The following KLHL25 variants were observed in gnomAD, a reference collection of about 807,000 sequenced individuals.
KLHL25 encodes kelch like family member 25.
A neutral mutation model predicts 30.0 loss-of-function variants in KLHL25; 41 were observed. The observed-to-expected ratio is 1.37, with a 90% CI of 1.07 to 1.78. The LOEUF is 1.78. Among genes scored for constraint, KLHL25 ranks in the 40% most tolerant of loss-of-function variants. KLHL25 has a pLI of 0.00. For missense variants in KLHL25, 971 were observed against 824.5 expected, an observed-to-expected ratio of 1.18 and a Z score of -2.18; for synonymous variants, 399 against 355.3, an observed-to-expected ratio of 1.12 and a Z score of -1.38.
At chr15:85,777,636 C>T (rs1245745230) in intron 1 of KLHL25, among the ~76,000 whole-genome samples, 1 of 152,210 alleles carries the variant, frequency 6.6e-6, no homozygotes, top group Non-Finnish European at 1.5e-5. Context: ...ACCGCAGAGT[C>T]CCAGGGTGAC....
chr15:85,777,412 C>T (rs527249030), intron 1 of KLHL25, among the ~76,000 whole-genome samples: 3 of 152,316 alleles, frequency 2.0e-5, no homozygotes, highest in Non-Finnish European at 2.9e-5. Context: ...GACACAGACA[C>T]AGTGTCCCTT....
At position 85,768,783 on chromosome 15, in the gene KLHL25, T is replaced by G. The variant is rs757899706; in HGVS notation, c.1028A>C (p.Tyr343Ser). Residue 343 changes from tyrosine to serine, a missense_variant, in exon 2 of 3, where the codon TAT becomes TCT. Coordinates refer to ENST00000337975, the MANE Select transcript of KLHL25 (RefSeq NM_022480.4). ...FSASAIGCKV[Y>S]VTGGRGSENG... Reference sequence around the variant, plus strand: ...CTCGGAGCCCCTGCCCCCCGTCACATAGACCTTGCAGCCGATCGCTGAGGC... The same window carrying G: ...CTCGGAGCCCCTGCCCCCCGTCACAGAGACCTTGCAGCCGATCGCTGAGGC... 1.9e-6 allele frequency: 3 copies of G among 1,613,074 alleles called. No homozygotes were observed. In the Admixed American group the frequency reaches 5.0e-5, roughly 27 times the overall value.
chr15:85,781,536 A>G (rs2089743163), intron 1 of KLHL25, among the ~76,000 whole-genome samples: 1 of 152,120 alleles, frequency 6.6e-6, no homozygotes, highest in South Asian at 2.1e-4. Context: ...GCTGGAGTGC[A>G]GCAATGGTGT....
chr15:85,794,271 G>A (rs898609616), intron 1 of KLHL25, among the ~76,000 whole-genome samples: 1 of 152,334 alleles, frequency 6.6e-6, no homozygotes, highest in Non-Finnish European at 1.5e-5. Flanking sequence ...GGGGCTCCGC[G>A]GCCAGGCCCG....
rs549366555 is a variant in KLHL25, at chr15:85,766,610, A to ACTGCAGGGT, written c.*24+1398_*24+1406dup. Among the ~76,000 whole-genome samples, 10 of 151,366 alleles carry ACTGCAGGGT rather than the reference A, an allele frequency of 6.6e-5. No homozygotes were observed. In the East Asian group the frequency reaches 1.9e-3, roughly 29 times the overall value. Reference sequence around the variant, plus strand: ...CTCCTCCCGCCCGTTCCTTCCCTTCACTGCAGGGTCTGCAGGGCCTGGCTC... The same window carrying ACTGCAGGGT: ...CTCCTCCCGCCCGTTCCTTCCCTTCACTGCAGGGTCTGCAGGGTCTGCAGGGCCTGGCTC... On this transcript the variant is annotated intron_variant, in intron 2 of 2. Transcript: ENST00000337975.
chr15:85,786,696 C>T (rs2089783572), intron 1 of KLHL25, among the ~76,000 whole-genome samples: 1 of 152,264 alleles, frequency 6.6e-6, no homozygotes, highest in Non-Finnish European at 1.5e-5. Flanking sequence ...AATAGGCAGA[C>T]ACCTCCCACC....
intron 1 of KLHL25, among the ~76,000 whole-genome samples, chr15:85,788,313 C>A (rs890964868): frequency 6.6e-6 from 1 of 152,128 alleles, no homozygotes; most frequent in Non-Finnish European, 1.5e-5. Flanking sequence ...AATGTCACCA[C>A]CCCAGAGAGG....
intron 1 of KLHL25, among the ~76,000 whole-genome samples, chr15:85,785,438 T>C (rs1285642954): frequency 1.3e-5 from 2 of 152,184 alleles, no homozygotes; most frequent in African/African-American, 4.8e-5. Flanking sequence ...GTGGGTAGTA[T>C]AGAGCAGGTT....
chr15:85,778,077 C>T (rs921344416), intron 1 of KLHL25, among the ~76,000 whole-genome samples: 2 of 152,226 alleles, frequency 1.3e-5, no homozygotes, highest in Non-Finnish European at 2.9e-5. Context: ...TTATTTCTTG[C>T]TCATACTATT....
In KLHL25 at chr15:85,784,541, A is replaced by C. The variant is rs550127608; in HGVS notation, c.-11+10225T>G. ...GCGAAACTCCATCTCAAAAAAAATAAAAAAATAAAAAAAAAAGCAGAGTTT... is the reference window on the plus strand; with the variant it reads ...GCGAAACTCCATCTCAAAAAAAATACAAAAATAAAAAAAAAAGCAGAGTTT... On this transcript the variant is annotated intron_variant, in intron 1 of 2. Transcript: ENST00000337975. 1.4e-4 allele frequency among the ~76,000 whole-genome samples: 16 copies of C among 117,884 alleles called. No homozygotes were observed. In the East Asian group the frequency reaches 3.5e-3, roughly 26 times the overall value. The allele number at this position is 117,884 out of a possible 152,430, so 77.3% of individuals were successfully genotyped here.
At chr15:85,776,484 C>CTCAA (rs1030358050) in intron 1 of KLHL25, among the ~76,000 whole-genome samples, 5 of 151,594 alleles carry the variant, frequency 3.3e-5, no homozygotes, top group African/African-American at 1.2e-4. Context: ...GAGGCTCCGT[C>CTCAA]TCAATCAATC....
chr15:85,778,700 C>G (rs2089726041), intron 1 of KLHL25, among the ~76,000 whole-genome samples: 1 of 152,222 alleles, frequency 6.6e-6, no homozygotes, highest in South Asian at 2.1e-4. Flanking sequence ...CCATCCCTCT[C>G]TTTGCTGAGC....
intron 2 of KLHL25, among the ~76,000 whole-genome samples, chr15:85,767,122 C>G (rs2089630416): frequency 6.6e-6 from 1 of 152,010 alleles, no homozygotes; most frequent in Admixed American, 6.6e-5. Context: ...TCCCAAGTAG[C>G]TGGGATTACA....
chr15:85,781,194 G>A (rs2089740534), intron 1 of KLHL25, among the ~76,000 whole-genome samples: 4 of 152,158 alleles, frequency 2.6e-5, no homozygotes, highest in Admixed American at 1.3e-4. Flanking sequence ...TCAGGAGCCC[G>A]TATCCCAGCC....
In KLHL25 at chr15:85,768,095, G is replaced by C; in HGVS notation, c.1716C>G (p.Pro572=). 6.2e-7 allele frequency: 1 copy of C among 1,614,216 alleles called. No homozygotes were observed. The highest frequency in any genetic ancestry group is 8.5e-7 in the Non-Finnish European group (1 of 1,180,032). ...SDTWNCITTV[P]YSLIPTAFVS... is the part of the protein sequence containing the mutation. ...CAAAGGCCGTGGGGATAAGTGAGTA[G>C]GGCACTGTGGTGATGCAGTTCCATG... is the stretch of plus-strand genomic sequence containing the variant. Residue 572 remains proline (P), a synonymous_variant, in exon 2 of 3, where the codon CCC becomes CCG. Transcript: ENST00000337975.
At chr15:85,778,240 G>A (rs1288729774) in intron 1 of KLHL25, among the ~76,000 whole-genome samples, 3 of 152,156 alleles carry the variant, frequency 2.0e-5, no homozygotes. Context: ...TTAAATGCTT[G>A]GCCTGGAAAG....
intron 1 of KLHL25, among the ~76,000 whole-genome samples, chr15:85,794,418 T>A (rs949113791): frequency 3.3e-5 from 5 of 152,216 alleles, no homozygotes; most frequent in Non-Finnish European, 5.9e-5. Context: ...GGATCAATAG[T>A]AATTTTTTAA....
intron 2 of KLHL25, among the ~76,000 whole-genome samples, chr15:85,765,912 C>T (rs145257763): frequency 2.0e-5 from 3 of 151,992 alleles, no homozygotes; most frequent in Admixed American, 2.0e-4. Context: ...CTCTGTGAGC[C>T]CAAACACCCT....
chr15:85,761,071 T>C (rs1017716768), intron 2 of KLHL25, 60 bp from the exon 3 acceptor site: 3 of 152,308 alleles, frequency 2.0e-5, no homozygotes, highest in African/African-American at 4.8e-5. Flanking sequence ...TGTTCTGACC[T>C]GATCTGGAAC....
Sources: allele counts gnomAD v4.1 joint callset (sites outside exome capture counted in the v4.1 genomes callset), GRCh38; gene constraint gnomAD v4.1.1; transcripts MANE v1.5; gene names NCBI Gene and HGNC (gene_info 2026-07-23, HGNC 2026-07-21).